The following ATAD2B variants were observed in gnomAD, a reference collection of about 807,000 sequenced individuals.
ATAD2B encodes ATPase family AAA domain-containing protein 2B.
ATAD2B carries 40 observed loss-of-function variants against 167.6 expected under a neutral mutation model. That is an observed-to-expected ratio of 0.24 (90% CI 0.19 to 0.31). The LOEUF (loss-of-function observed/expected upper bound fraction) is 0.31, where lower values mean the gene tolerates loss of function less well. Ranked by LOEUF, ATAD2B falls within the 10% of genes least tolerant of loss-of-function variation. The pLI, the probability that ATAD2B is intolerant of heterozygous loss-of-function variation, is 1.00. For missense variants in ATAD2B, 1,242 were observed against 1,757.2 expected, an observed-to-expected ratio of 0.71 and a Z score of 5.24; for synonymous variants, 579 against 596.5, an observed-to-expected ratio of 0.97 and a Z score of 0.43.
In ATAD2B at chr2:23,778,633, C is replaced by T. The variant is rs535690820; in HGVS notation, c.3133+4236G>A. Among the ~76,000 whole-genome samples, 3 of 152,298 alleles carry T rather than the reference C, an allele frequency of 2.0e-5. No individual in the cohort carries two copies. The South Asian group carries it at 6.2e-4, about 32-fold the overall frequency. ...TGGAACTCTTATCATGTCCCAGCTACTCTGCTAAAGGCTTAAGATATTTAG... is the reference window on the plus strand; with the variant it reads ...TGGAACTCTTATCATGTCCCAGCTATTCTGCTAAAGGCTTAAGATATTTAG... On this transcript the variant is annotated intron_variant, in intron 22 of 27. Coordinates refer to ENST00000238789, the MANE Select transcript of ATAD2B (RefSeq NM_017552.4).
At chr2:23,712,165 G>A in the ATAD2B span, among the ~76,000 whole-genome samples, 1 of 152,192 alleles carries the variant, frequency 6.6e-6, no homozygotes, top group East Asian at 1.9e-4. Context: ...ACCTGGCTCA[G>A]TGAGACTCCA....
chr2:23,727,557 T>C, the ATAD2B span, among the ~76,000 whole-genome samples: 1 of 152,164 alleles, frequency 6.6e-6, no homozygotes. Context: ...ATCATTATTA[T>C]ATATATACCT....
chr2:23,803,137 T>TTAAGAGTGTTA (rs1683761702), intron 18 of ATAD2B, among the ~76,000 whole-genome samples: 2 of 152,318 alleles, frequency 1.3e-5, no homozygotes, highest in East Asian at 3.9e-4. Flanking sequence ...GTTTTGTTTT[T>TTAAGAGTGTTA]TAAGAGTGTT....
intron 18 of ATAD2B, among the ~76,000 whole-genome samples, chr2:23,808,316 C>T (rs1572849582): frequency 6.7e-6 from 1 of 149,872 alleles, no homozygotes; most frequent in East Asian, 1.9e-4. Flanking sequence ...CTTCCCCCAG[C>T]CAAGAAGATT....
In ATAD2B at chr2:23,786,094, T is replaced by C. The variant is rs767467464; in HGVS notation, c.2906A>G (p.Asp969Gly). ...TLRELRLFLR[D>G]VTKRLATDKR... Reference sequence around the variant, plus strand: ...ATCTGTGGCCAGCCTCTTGGTTACATCCCTGAGAAACAACCGCAACTCTCT... The same window carrying C: ...ATCTGTGGCCAGCCTCTTGGTTACACCCCTGAGAAACAACCGCAACTCTCT... The change falls in exon 21 of 28, where the codon GAT becomes GGT. Residue 969 changes from aspartate to glycine, a missense_variant. By Grantham distance (94) the Asp-to-Gly change is moderately conservative. Around this residue, in one of 9 missense-constraint regions of ATAD2B, gnomAD observed 204 missense variants for 324.0 expected, o/e 0.63. Transcript: ENST00000238789. 6 of 1,612,150 alleles carry C rather than the reference T, an allele frequency of 3.7e-6. No individual in the cohort carries two copies. In the South Asian group the frequency reaches 5.5e-5, roughly 15 times the overall value.
the ATAD2B span, among the ~76,000 whole-genome samples, chr2:23,727,086 A>G: frequency 6.6e-6 from 1 of 152,198 alleles, no homozygotes; most frequent in Non-Finnish European, 1.5e-5. Context: ...AAAGCAATCT[A>G]CTTGAAATAT....
intron 1 of ATAD2B, 24 bp downstream of exon 1, chr2:23,926,531 G>C: frequency 1.3e-6 from 2 of 1,536,442 alleles, no homozygotes; most frequent in Non-Finnish European, 1.7e-6. Context: ...CCGAGCCTCC[G>C]GACTCGGGAC....
At chr2:23,769,924 T>C (rs1020813956) in intron 22 of ATAD2B, among the ~76,000 whole-genome samples, 1 of 151,066 alleles carries the variant, frequency 6.6e-6, no homozygotes, top group African/African-American at 2.4e-5. Context: ...CCTCAGGTGA[T>C]CCACCCACCT....
intron 12 of ATAD2B, among the ~76,000 whole-genome samples, chr2:23,859,663 G>A (rs1043994026): frequency 6.6e-6 from 1 of 152,100 alleles, no homozygotes; most frequent in African/African-American, 2.4e-5. Flanking sequence ...AAATTTAATT[G>A]CCGGCCGGGC....
At chr2:23,839,011 T>C (rs1338199510) in intron 13 of ATAD2B, among the ~76,000 whole-genome samples, 1 of 152,200 alleles carries the variant, frequency 6.6e-6, no homozygotes, top group African/African-American at 2.4e-5. Context: ...TGAGACTTCT[T>C]AGACTTACTC....
chr2:23,733,008 T>C, the ATAD2B span, among the ~76,000 whole-genome samples: 9 of 152,182 alleles, frequency 5.9e-5, no homozygotes, highest in African/African-American at 2.2e-4. Flanking sequence ...AGGGCCGATA[T>C]CAAAATTAAA....
chr2:23,742,059 T>A, the ATAD2B span, among the ~76,000 whole-genome samples: 1 of 151,978 alleles, frequency 6.6e-6, no homozygotes, highest in East Asian at 1.9e-4. Flanking sequence ...AAACAACAGG[T>A]GCTGGAGAGG....
intron 18 of ATAD2B, among the ~76,000 whole-genome samples, chr2:23,808,276 C>T (rs945732288): frequency 2.7e-5 from 4 of 146,816 alleles, no homozygotes; most frequent in Non-Finnish European, 6.0e-5. Flanking sequence ...GAGACTAGCC[C>T]AGCTCTGGCC....
chr2:23,695,540 T>C, the ATAD2B span: 1 of 929,732 alleles, frequency 1.1e-6, no homozygotes, highest in Non-Finnish European at 1.6e-6. This position sits in a 1 kb window ranked among gnomAD's most constrained non-coding sequence, Gnocchi z 7.6. Flanking sequence ...TCCATTCTTG[T>C]GCAGCCCCAC....
chr2:23,735,548 A>G, the ATAD2B span, among the ~76,000 whole-genome samples: 10 of 152,156 alleles, frequency 6.6e-5, no homozygotes, highest in Non-Finnish European at 8.8e-5. Context: ...TTTACCTTCC[A>G]TGGCTTGAAG....
At chr2:23,882,824 C>CA (rs201054446) in intron 6 of ATAD2B, among the ~76,000 whole-genome samples, 2,726 of 113,616 alleles carry the variant, frequency 0.024, 38 homozygotes, top group Non-Finnish European at 0.036. Flanking sequence ...ACAACAACAA[C>CA]AAAAAAAAAA....
intron 1 of ATAD2B, among the ~76,000 whole-genome samples, chr2:23,906,192 T>C (rs542154813): frequency 1.3e-5 from 2 of 151,380 alleles, no homozygotes; most frequent in African/African-American, 4.9e-5. Flanking sequence ...CAAAAAAAAA[T>C]TGGCCGGGTT....
the ATAD2B span, among the ~76,000 whole-genome samples, chr2:23,701,701 A>G: frequency 2.0e-5 from 3 of 151,796 alleles, no homozygotes; most frequent in Non-Finnish European, 4.4e-5. Flanking sequence ...TAGGCAACAG[A>G]GCAAGACCCT....
intron 12 of ATAD2B, among the ~76,000 whole-genome samples, chr2:23,858,387 C>T (rs1368699012): frequency 1.3e-5 from 2 of 152,082 alleles, no homozygotes; most frequent in Non-Finnish European, 2.9e-5. Context: ...TCCCAAAGTG[C>T]TGGGATTACA....
Sources: gnomAD v4.1 joint callset for allele counts (sites outside exome capture counted in the v4.1 genomes callset) on GRCh38, gnomAD v4.1.1 for gene constraint, gnomAD v4.1.1 regional missense constraint, Gnocchi (gnomAD v3.1) non-coding constraint, MANE v1.5 for transcripts, NCBI Gene and HGNC (gene_info 2026-07-23, HGNC 2026-07-21) for gene names.